The following C17orf78 variants were observed in gnomAD, a reference collection of about 807,000 sequenced individuals.
The protein encoded by C17orf78 is chromosome 17 open reading frame 78, also known as uncharacterized protein C17orf78.
C17orf78 carries 27 observed loss-of-function variants against 31.8 expected under a neutral mutation model. That is an observed-to-expected ratio of 0.85 (90% confidence interval 0.63 to 1.17). The LOEUF (loss-of-function observed/expected upper bound fraction) is 1.17. Among genes scored for constraint, C17orf78 ranks in the 50% most tolerant of loss-of-function variants. The probability of loss-of-function intolerance (pLI) is 0.00; values close to 1 mark genes in which losing one functional copy is unlikely to be tolerated. For synonymous variants in C17orf78, 106 were observed against 115.1 expected, an observed-to-expected ratio of 0.92 and a Z score of 0.51; for missense variants, 258 against 315.2, an observed-to-expected ratio of 0.82 and a Z score of 1.37.
At chr17:37,386,545 T>C (rs2050539185) in intron 4 of C17orf78, among the ~76,000 whole-genome samples, 2 of 152,084 alleles carry the variant, frequency 1.3e-5, no homozygotes, top group South Asian at 4.1e-4. Context: ...TGAGCCGAGA[T>C]TGTCCCACTG....
intron 1 of C17orf78, among the ~76,000 whole-genome samples, chr17:37,377,653 C>T (rs1011504693): frequency 1.4e-5 from 2 of 142,196 alleles, no homozygotes; most frequent in African/African-American, 5.4e-5. Context: ...GAGTGAGACT[C>T]CGTCTCAATA....
At chr17:37,377,659 C>CAATAAATAAATA (rs140365002) in intron 1 of C17orf78, among the ~76,000 whole-genome samples, 6 of 143,634 alleles carry the variant, frequency 4.2e-5, no homozygotes, top group South Asian at 4.6e-4. Context: ...GACTCCGTCT[C>CAATAAATAAATA]AATAAATAAA....
At chr17:37,390,119 C>A (rs1335154734) in intron 6 of C17orf78, among the ~76,000 whole-genome samples, 1 of 83,484 alleles carries the variant, frequency 1.2e-5, no homozygotes, top group Non-Finnish European at 2.2e-5. Context: ...TAGCGAGACA[C>A]TGTCTCTATT....
chr17:37,380,468 G>A (rs2050198610), intron 3 of C17orf78, among the ~76,000 whole-genome samples: 1 of 152,048 alleles, frequency 6.6e-6, no homozygotes, highest in Admixed American at 6.6e-5. Context: ...CTCCCCTTGG[G>A]CAAATCTACG....
chr17:37,386,671 C>T (rs1006423160), intron 4 of C17orf78, among the ~76,000 whole-genome samples: 1 of 152,130 alleles, frequency 6.6e-6, no homozygotes, highest in Non-Finnish European at 1.5e-5. Flanking sequence ...TCATTTATCT[C>T]CACGCAAATG....
rs199550394 is a variant in C17orf78 at position 37,376,123 on chromosome 17, A to G, written c.31A>G (p.Ile11Val). MDTILVFSLI[I>V]ASYDANKKDL... ...TACCATCTTGGTCTTCAGCCTAATC[A>G]TTGCATCCTATGATGCCAACAAGAA... The change falls in exon 1 of 7, where the codon ATT becomes GTT. Residue 11 changes from isoleucine (I) to valine (V), a missense_variant. Ile to Val is a conservative substitution (Grantham distance 29, BLOSUM62 3). Coordinates refer to ENST00000615133, the MANE Select transcript of C17orf78 (RefSeq NM_173625.5). The G allele has an allele frequency of 2.5e-6, 4 of 1,613,128 alleles. No homozygotes were observed. Among genetic ancestry groups the G allele is most frequent in the Admixed American group, 1.7e-5 (1 of 60,016 alleles).
In C17orf78 at chr17:37,391,910, C is replaced by T. The variant is rs528550128; in HGVS notation, c.*186C>T. On this transcript the variant is annotated 3_prime_UTR_variant, in exon 7 of 7. Transcript: ENST00000615133. ...TACCCTCATGCCCCTATCTGAGCCACAACCTTCTGTAATTCACTTCATACA... is the reference window on the plus strand; with the variant it reads ...TACCCTCATGCCCCTATCTGAGCCATAACCTTCTGTAATTCACTTCATACA... 8.3e-6 allele frequency: 5 copies of T among 603,016 alleles called. No homozygotes were observed. The South Asian group carries it at 1.1e-4, about 13-fold the overall frequency. The allele number at this position is 603,016 out of a possible 1,614,324, so 37.4% of individuals were successfully genotyped here. A position where few individuals can be genotyped will look rare whatever the true frequency, so the allele number is the denominator to read the frequency against.
At chr17:37,389,887 A>G (rs2050717246) in intron 6 of C17orf78, among the ~76,000 whole-genome samples, 1 of 151,262 alleles carries the variant, frequency 6.6e-6, no homozygotes, top group South Asian at 2.1e-4. Context: ...TTTTCCTAAC[A>G]TCAGTCCAGA....
At chr17:37,380,140 T>C (rs1356588347) in intron 3 of C17orf78, among the ~76,000 whole-genome samples, 2 of 151,704 alleles carry the variant, frequency 1.3e-5, no homozygotes, top group African/African-American at 4.8e-5. Flanking sequence ...ATGGATGAAA[T>C]TGGACATCAT....
chr17:37,388,667 T>C lies in C17orf78; in HGVS notation c.509-3T>C, dbSNP rs1445734150. 4.3e-6 allele frequency: 7 copies of C among 1,611,564 alleles called. No homozygotes were observed. Among genetic ancestry groups the C allele is most frequent in the Non-Finnish European group, 5.9e-6 (7 of 1,178,468 alleles). Reference sequence around the variant, plus strand: ...CCCTCTTCCACTCCCCTCTCTCCTTTAGACACAGATGAGAACCTAGAGAAG... The same window carrying C: ...CCCTCTTCCACTCCCCTCTCTCCTTCAGACACAGATGAGAACCTAGAGAAG... On this transcript the variant is annotated splice_region_variant and splice_polypyrimidine_tract_variant and intron_variant, in intron 4 of 6. Transcript: ENST00000615133.
At chr17:37,380,776 T>G (rs1450524450) in intron 3 of C17orf78, among the ~76,000 whole-genome samples, 1 of 152,102 alleles carries the variant, frequency 6.6e-6, no homozygotes, top group Non-Finnish European at 1.5e-5. Flanking sequence ...TTTTGTATTT[T>G]TAGTAGAGAC....
At chr17:37,384,577 A>G (rs2050446128) in intron 3 of C17orf78, among the ~76,000 whole-genome samples, 1 of 152,106 alleles carries the variant, frequency 6.6e-6, no homozygotes, top group Non-Finnish European at 1.5e-5. Flanking sequence ...AAAAAAACAC[A>G]GATAACTTGT....
intron 3 of C17orf78, among the ~76,000 whole-genome samples, chr17:37,381,414 G>C (rs1437598509): frequency 6.6e-6 from 1 of 151,816 alleles, no homozygotes; most frequent in Admixed American, 6.6e-5. Context: ...TTGAACTCCT[G>C]ACTTCAAGTG....
chr17:37,376,224 C>T (rs1434917352), intron 1 of C17orf78, 74 bp downstream of exon 1: 5 of 1,260,532 alleles, frequency 4.0e-6, no homozygotes, highest in Non-Finnish European at 5.8e-6. Context: ...GTCTCTTCCA[C>T]CAGATAGAGA....
At position 37,392,484 on chromosome 17, in the gene C17orf78, G is replaced by A. The variant is rs573174910; in HGVS notation, c.*760G>A. 1.6e-4 allele frequency: 25 copies of A among 152,260 alleles called. No individual in the cohort carries two copies. Among genetic ancestry groups the A allele is most frequent in the African/African-American group, 6.0e-4 (25 of 41,540 alleles). The allele number at this position is 152,260 out of a possible 1,614,324, so 9.4% of individuals were successfully genotyped here. A position where few individuals can be genotyped will look rare whatever the true frequency, so the allele number is the denominator to read the frequency against. ...TCAAATCTAACCTGCTTAAATAAGA[G>A]TTTGGTGAGAAAGTGAAACCACCTG... is the stretch of plus-strand genomic sequence containing the variant. On this transcript the variant is annotated 3_prime_UTR_variant, in exon 7 of 7. Coordinates refer to ENST00000615133, the MANE Select transcript of C17orf78 (RefSeq NM_173625.5).
Position 37,388,740 on chromosome 17 carries a change from G to A in C17orf78, c.579G>A (p.Leu193=). 1.2e-6 allele frequency: 2 copies of A among 1,612,856 alleles called. No individual in the cohort carries two copies. Among genetic ancestry groups the A allele is most frequent in the Non-Finnish European group, 1.7e-6 (2 of 1,179,256 alleles). The change falls in exon 5 of 7, where the codon CTG becomes CTA. Residue 193 remains leucine (L), a synonymous_variant. Transcript: ENST00000615133. ...TCAAAATTCTGATTGCTGTCACCCT[G>A]TTGCTCAGTGGAGTTGCCATTATAG... ...IVVKILIAVT[L]LLSGVAIIVF...
intron 3 of C17orf78, among the ~76,000 whole-genome samples, chr17:37,384,032 G>A (rs1217983242): frequency 6.6e-6 from 1 of 152,166 alleles, no homozygotes; most frequent in African/African-American, 2.4e-5. Flanking sequence ...TTGGGAGCCC[G>A]AGGCGGGCAG....
intron 3 of C17orf78, among the ~76,000 whole-genome samples, chr17:37,379,752 A>G (rs538499861): frequency 1.3e-4 from 20 of 150,580 alleles, no homozygotes; most frequent in Admixed American, 8.0e-4. Context: ...TTAGAATGGC[A>G]ATCATTAAAA....
intron 2 of C17orf78, among the ~76,000 whole-genome samples, chr17:37,378,799 T>A (rs1268066754): frequency 6.6e-6 from 1 of 150,472 alleles, no homozygotes. Context: ...CGGTGGCTCA[T>A]GTCTGTAATC....
Sources: allele counts gnomAD v4.1 joint callset (sites outside exome capture counted in the v4.1 genomes callset), GRCh38; gene constraint gnomAD v4.1.1; transcripts MANE v1.5; gene names NCBI Gene and HGNC (gene_info 2026-07-23, HGNC 2026-07-21).